Variants in ARFGEF2 observed in about 807,000 individuals in gnomAD.
ARFGEF2 encodes brefeldin A-inhibited guanine nucleotide-exchange protein 2.
A neutral mutation model predicts 219.9 loss-of-function variants in ARFGEF2; 74 were observed. The ratio of observed to expected loss-of-function variants is 0.34; its 90% CI spans 0.28 to 0.41. The LOEUF (loss-of-function observed/expected upper bound fraction) is 0.41. Ranked by LOEUF, ARFGEF2 falls within the 10% of genes least tolerant of loss-of-function variation. ARFGEF2 has a pLI of 1.00. For synonymous variants in ARFGEF2, 733 were observed against 799.2 expected, an observed-to-expected ratio of 0.92 and a Z score of 1.40; for missense variants, 1,743 against 2,218.3, an observed-to-expected ratio of 0.79 and a Z score of 4.30.
At chr20:49,010,452 G>C (rs1300416743) in intron 27 of ARFGEF2, 48 bp downstream of exon 27, 5 of 1,603,128 alleles carry the variant, frequency 3.1e-6, no homozygotes, top group Non-Finnish European at 4.3e-6. Context: ...TGCAAGTCTA[G>C]AAGAGTGTCA....
At chr20:48,953,818 T>C (rs2091089000) in intron 6 of ARFGEF2, 28 bp downstream of exon 6, 2 of 1,603,500 alleles carry the variant, frequency 1.2e-6, no homozygotes, top group South Asian at 2.2e-5. Flanking sequence ...ATGGCTCTTT[T>C]TCCAAGTGTG....
intron 8 of ARFGEF2, 67 bp from the exon 9 acceptor site, chr20:48,969,080 C>G: frequency 6.4e-7 from 1 of 1,561,078 alleles, no homozygotes; most frequent in Non-Finnish European, 8.8e-7. Flanking sequence ...CCTGCCTCAG[C>G]CTCTGGAGTA....
chr20:48,982,055 A>G (rs1163947320), intron 14 of ARFGEF2, among the ~76,000 whole-genome samples: 4 of 152,126 alleles, frequency 2.6e-5, no homozygotes, highest in East Asian at 1.9e-4. Flanking sequence ...TTTGGAGGAA[A>G]AGAGGTGCTC....
chr20:48,923,604 TGGGATAA>T (rs1240442689), intron 1 of ARFGEF2, among the ~76,000 whole-genome samples: 1 of 152,222 alleles, frequency 6.6e-6, no homozygotes, highest in Non-Finnish European at 1.5e-5. Context: ...ATCAGCAATG[TGGGATAA>T]GCACTGCAAA....
rs985678220 is a variant in ARFGEF2 at position 48,941,020 on chromosome 20, T to G, written c.122-179T>G. Among the ~76,000 whole-genome samples the G allele has an allele frequency of 2.0e-5, 3 of 152,258 alleles. No homozygotes were observed. In the East Asian group the frequency reaches 5.8e-4, roughly 29 times the overall value. ...CAGTAATGCCTAGCCAGTCACTCCA[T>G]GTAAGTGTTAGCTATTATTATTGCT... On this transcript the variant is annotated intron_variant, in intron 1 of 38. Transcript: ENST00000371917.
intron 1 of ARFGEF2, among the ~76,000 whole-genome samples, chr20:48,936,866 T>G (rs980688920): frequency 1.3e-5 from 2 of 152,096 alleles, no homozygotes; most frequent in African/African-American, 4.8e-5. Flanking sequence ...TGATGAGCTG[T>G]TTTTCATATG....
At chr20:49,023,268 G>A in intron 35 of ARFGEF2, 87 bp downstream of exon 35, 5 of 1,534,566 alleles carry the variant, frequency 3.3e-6, no homozygotes, top group South Asian at 2.3e-5. Context: ...GCTTGTACTG[G>A]CTTTCCAGAG....
chr20:48,978,724 T>A (rs1411069048), intron 14 of ARFGEF2, among the ~76,000 whole-genome samples: 1 of 152,212 alleles, frequency 6.6e-6, no homozygotes, highest in Non-Finnish European at 1.5e-5. Context: ...TATTTTATTC[T>A]CTTTGTAGCA....
chr20:48,982,784 G>A lies in ARFGEF2; in HGVS notation c.1959-1945G>A, dbSNP rs927914745. 1.4e-4 allele frequency among the ~76,000 whole-genome samples: 21 copies of A among 152,192 alleles called. 1 individual carries two copies. Among genetic ancestry groups the A allele is most frequent in the African/African-American group, 4.8e-4 (20 of 41,442 alleles). On this transcript the variant is annotated intron_variant, in intron 14 of 38. Transcript: ENST00000371917. Reference sequence around the variant, plus strand: ...GCCAGCAGTGAGCAAGGCTCCGTGGGCGTGGGACCTGCTGAGCCAGGCACA... The same window carrying A: ...GCCAGCAGTGAGCAAGGCTCCGTGGACGTGGGACCTGCTGAGCCAGGCACA...
chr20:48,923,396 A>G (rs1371470914), intron 1 of ARFGEF2, among the ~76,000 whole-genome samples: 1 of 152,216 alleles, frequency 6.6e-6, no homozygotes, highest in African/African-American at 2.4e-5. Flanking sequence ...TTCCCTGGAA[A>G]GAAGGTCCCT....
At chr20:48,955,526 A>G (rs1600606523) in intron 6 of ARFGEF2, among the ~76,000 whole-genome samples, 1 of 152,266 alleles carries the variant, frequency 6.6e-6, no homozygotes, top group South Asian at 2.1e-4. Context: ...GACATTGAGC[A>G]AATACATTTT....
chr20:49,028,181 C>G (rs6122744), intron 36 of ARFGEF2, among the ~76,000 whole-genome samples: 1 of 152,140 alleles, frequency 6.6e-6, no homozygotes. Context: ...TCGCTTGAAC[C>G]TGGGAGGCGG....
chr20:49,013,549 G>A lies in ARFGEF2; in HGVS notation c.3919-15G>A. On this transcript the variant is annotated splice_polypyrimidine_tract_variant and intron_variant, in intron 28 of 38. Coordinates refer to ENST00000371917, the MANE Select transcript of ARFGEF2 (RefSeq NM_006420.3). The stretch of plus-strand genomic sequence containing the variant: ...CATGCTTAGTTTACACCTGAGATGT[G>A]ATTTTTCATCCTAGGTGCTACAAGA... 6.2e-7 allele frequency: 1 copy of A among 1,614,062 alleles called. No individual in the cohort carries two copies. Among genetic ancestry groups the A allele is most frequent in the African/African-American group, 1.3e-5 (1 of 75,010 alleles).
intron 4 of ARFGEF2, among the ~76,000 whole-genome samples, chr20:48,951,960 A>G (rs2091073643): frequency 6.6e-6 from 1 of 152,184 alleles, no homozygotes; most frequent in African/African-American, 2.4e-5. Flanking sequence ...GGAGGGCTCC[A>G]TGCTAGATAA....
rs532353587 is a variant in ARFGEF2, at chr20:48,946,406, T to TA, written c.276+4421dup. ...GCTTCCCCGCAGCCAGGGCTCAGTG[T>TA]AAGGGGGGTTAAGGTCAGTCTTGTC... On this transcript the variant is annotated intron_variant, in intron 3 of 38. Coordinates refer to ENST00000371917, the MANE Select transcript of ARFGEF2 (RefSeq NM_006420.3). Among the ~76,000 whole-genome samples the TA allele has an allele frequency of 3.4e-3, 517 of 152,154 alleles. 5 individuals carry two copies. The highest frequency in any genetic ancestry group is 0.014 in the Middle Eastern group (4 of 292).
intron 3 of ARFGEF2, among the ~76,000 whole-genome samples, chr20:48,946,047 A>G (rs1454439976): frequency 6.6e-6 from 1 of 152,148 alleles, no homozygotes; most frequent in Non-Finnish European, 1.5e-5. Flanking sequence ...GTACTTCCCC[A>G]TGGTGGCTGC....
chr20:48,926,636 T>G (rs2090878692), intron 1 of ARFGEF2, among the ~76,000 whole-genome samples: 1 of 152,118 alleles, frequency 6.6e-6, no homozygotes, highest in Admixed American at 6.6e-5. Flanking sequence ...TTTTCTGTTT[T>G]TAGTAGAGAC....
chr20:49,023,511 GTTTTTTTTCTGGT>G (rs2091580024), intron 35 of ARFGEF2, among the ~76,000 whole-genome samples: 1 of 149,206 alleles, frequency 6.7e-6, no homozygotes, highest in Non-Finnish European at 1.5e-5. Flanking sequence ...TTGATATACA[GTTTTTTTTCTGGT>G]TTTTTTTTTT....
rs1320121162 is a variant in ARFGEF2 at position 49,035,616 on chromosome 20, A to G, written c.*2417A>G. Reference sequence around the variant, plus strand: ...TAGTGAAAGGGTATGTACAACCGCAACATCAGGCCAGGACACCATTTATTT... The same window carrying G: ...TAGTGAAAGGGTATGTACAACCGCAGCATCAGGCCAGGACACCATTTATTT... On this transcript the variant is annotated 3_prime_UTR_variant, in exon 39 of 39. Coordinates refer to ENST00000371917, the MANE Select transcript of ARFGEF2 (RefSeq NM_006420.3). The G allele has an allele frequency of 6.6e-6, 1 of 152,252 alleles. No individual in the cohort carries two copies. The highest frequency in any genetic ancestry group is 1.5e-5 in the Non-Finnish European group (1 of 68,064). The allele number at this position is 152,252 out of a possible 1,614,324, so 9.4% of individuals were successfully genotyped here.
Sources: gnomAD v4.1 joint callset for allele counts (sites outside exome capture counted in the v4.1 genomes callset) on GRCh38, gnomAD v4.1.1 for gene constraint, MANE v1.5 for transcripts, NCBI Gene and HGNC (gene_info 2026-07-23, HGNC 2026-07-21) for gene names.